The following SKAP2 variants were observed in gnomAD, a reference collection of about 807,000 sequenced individuals.
SKAP2 encodes the protein src kinase-associated phosphoprotein 2.
In SKAP2, 28 loss-of-function variants were observed where a neutral mutation model predicts 54.9. The ratio of observed to expected loss-of-function variants is 0.51; its 90% CI spans 0.38 to 0.70. The LOEUF is 0.70. Among genes scored for constraint, SKAP2 ranks in the 30% least tolerant of loss-of-function variants. The probability of loss-of-function intolerance (pLI) is 0.00; values close to 1 mark genes in which losing one functional copy is unlikely to be tolerated. For synonymous variants in SKAP2, 137 were observed against 134.3 expected (o/e 1.02, Z -0.14); for missense variants, 356 against 424.1 (o/e 0.84, Z 1.41).
intron 4 of SKAP2, among the ~76,000 whole-genome samples, chr7:26,837,312 T>C (rs1784735007): frequency 6.6e-6 from 1 of 152,140 alleles, no homozygotes; most frequent in Admixed American, 6.5e-5. Context: ...TCTGCACATG[T>C]ACCCCAGAAC....
intron 4 of SKAP2, among the ~76,000 whole-genome samples, chr7:26,754,070 T>G (rs1355549709): frequency 6.6e-6 from 1 of 152,046 alleles, no homozygotes; most frequent in African/African-American, 2.4e-5. Context: ...TTAGCATATT[T>G]TTAAAAAAGT....
chr7:26,674,492 C>A (rs1584323329), intron 11 of SKAP2, among the ~76,000 whole-genome samples: 1 of 152,128 alleles, frequency 6.6e-6, no homozygotes. Context: ...TTTATAAATG[C>A]ACAACAGGAA....
At chr7:26,796,860 A>T (rs796373650) in intron 4 of SKAP2, among the ~76,000 whole-genome samples, 10 of 152,266 alleles carry the variant, frequency 6.6e-5, no homozygotes, top group African/African-American at 2.4e-4. Flanking sequence ...TTATATGTGG[A>T]TTTTCAAAAG....
intron 4 of SKAP2, among the ~76,000 whole-genome samples, chr7:26,762,519 C>T (rs1030955696): frequency 2.6e-5 from 4 of 151,900 alleles, no homozygotes; most frequent in Non-Finnish European, 4.4e-5. Context: ...ATCCTAAAGA[C>T]GCTAATGCTT....
chr7:26,667,906 C>T lies in SKAP2; in HGVS notation c.*1760G>A, dbSNP rs1786138019. The T allele has an allele frequency of 2.0e-5, 3 of 152,190 alleles. No individual in the cohort carries two copies. The highest frequency in any genetic ancestry group is 7.2e-5 in the African/African-American group (3 of 41,450). The allele number at this position is 152,190 out of a possible 1,614,324, so 9.4% of individuals were successfully genotyped here. On this transcript the variant is annotated 3_prime_UTR_variant, in exon 13 of 13. Transcript: ENST00000345317. ...GTCCACTAAAGTCGTCTTTGGTTGT[C>T]TAACTTTTGCCAAGATAATTTCAGT...
At chr7:26,803,593 T>C (rs1021541497) in intron 4 of SKAP2, among the ~76,000 whole-genome samples, 5 of 152,156 alleles carry the variant, frequency 3.3e-5, no homozygotes, top group East Asian at 1.9e-4. Flanking sequence ...TGAGGTACCA[T>C]AGGATCCAGC....
intron 3 of SKAP2, among the ~76,000 whole-genome samples, chr7:26,853,681 T>G (rs1785096301): frequency 6.6e-6 from 1 of 152,134 alleles, no homozygotes; most frequent in African/African-American, 2.4e-5. Context: ...AAACAAAAAT[T>G]TACACTGTTT....
At chr7:26,750,719 C>T (rs1330702184) in intron 4 of SKAP2, among the ~76,000 whole-genome samples, 1 of 152,114 alleles carries the variant, frequency 6.6e-6, no homozygotes, top group African/African-American at 2.4e-5. Context: ...TTTAAAAACA[C>T]ATATACACAA....
rs868581003 is a variant in SKAP2, at chr7:26,709,795, A to G, written c.796+15633T>C. Among the ~76,000 whole-genome samples the G allele has an allele frequency of 2.0e-5, 3 of 152,190 alleles. 1 individual carries two copies. The South Asian group carries it at 6.2e-4, about 31-fold the overall frequency. On this transcript the variant is annotated intron_variant, in intron 9 of 12. Coordinates refer to ENST00000345317, the MANE Select transcript of SKAP2 (RefSeq NM_003930.5). ...CCTGGGAAATGTCTTGCTCGAGATG[A>G]CTAGCCTGCCATAGGGAACTGGTAA...
rs191934316 is a variant in SKAP2, at chr7:26,751,752, A to G, written c.308-11788T>C. On this transcript the variant is annotated intron_variant, in intron 4 of 12. Transcript: ENST00000345317. Reference sequence around the variant, plus strand: ...ATATGAAATTCATACATTCTTATCTATTATTATTGTTAATTTAGTAATATA... The same window carrying G: ...ATATGAAATTCATACATTCTTATCTGTTATTATTGTTAATTTAGTAATATA... Among the ~76,000 whole-genome samples the G allele has an allele frequency of 4.3e-3, 649 of 152,108 alleles. 2 individuals are homozygous for G. Among genetic ancestry groups the G allele is most frequent in the Non-Finnish European group, 6.5e-3 (445 of 67,994 alleles).
At chr7:26,838,265 A>G (rs1415402245) in intron 4 of SKAP2, among the ~76,000 whole-genome samples, 1 of 152,066 alleles carries the variant, frequency 6.6e-6, no homozygotes, top group Non-Finnish European at 1.5e-5. Context: ...AGCTCCTACT[A>G]TAAATCATGC....
At chr7:26,763,148 T>C (rs1010119547) in intron 4 of SKAP2, among the ~76,000 whole-genome samples, 26 of 152,174 alleles carry the variant, frequency 1.7e-4, no homozygotes, top group Non-Finnish European at 2.9e-4. Flanking sequence ...ATACCAAATA[T>C]TTACTTGCTT....
At chr7:26,717,067 T>C (rs934330136) in intron 9 of SKAP2, among the ~76,000 whole-genome samples, 2 of 152,044 alleles carry the variant, frequency 1.3e-5, no homozygotes, top group Non-Finnish European at 2.9e-5. Flanking sequence ...GGATTCAAAG[T>C]GATGTGTGTT....
At chr7:26,741,068 A>C (rs1238225889) in intron 4 of SKAP2, among the ~76,000 whole-genome samples, 2 of 152,212 alleles carry the variant, frequency 1.3e-5, no homozygotes, top group East Asian at 3.8e-4. Flanking sequence ...AATCAAAAGA[A>C]AGTTTGTATG....
chr7:26,834,295 A>T (rs1784661244), intron 4 of SKAP2, among the ~76,000 whole-genome samples: 1 of 152,206 alleles, frequency 6.6e-6, no homozygotes, highest in Non-Finnish European at 1.5e-5. Flanking sequence ...TAGAGAAGCA[A>T]GAGCAAACAA....
intron 3 of SKAP2, among the ~76,000 whole-genome samples, chr7:26,845,937 A>T (rs188579789): frequency 1.3e-5 from 2 of 152,286 alleles, no homozygotes; most frequent in South Asian, 4.1e-4. Flanking sequence ...ATCTCTAAAA[A>T]AAAATTTTTT....
chr7:26,742,174 G>C (rs967767818), intron 4 of SKAP2, among the ~76,000 whole-genome samples: 4 of 151,942 alleles, frequency 2.6e-5, no homozygotes, highest in African/African-American at 9.7e-5. Flanking sequence ...AACAAGTCCT[G>C]GTGAACCACT....
chr7:26,707,540 A>G lies in SKAP2; in HGVS notation c.797-17178T>C, dbSNP rs553607916. On this transcript the variant is annotated intron_variant, in intron 9 of 12. Coordinates refer to ENST00000345317, the MANE Select transcript of SKAP2 (RefSeq NM_003930.5). Reference sequence around the variant, plus strand: ...TAAGTCTTCACTGCAGTGTTAATTCATAACTTATGGCTTAGGAATTCAACC... The same window carrying G: ...TAAGTCTTCACTGCAGTGTTAATTCGTAACTTATGGCTTAGGAATTCAACC... Among the ~76,000 whole-genome samples, 8 of 152,296 alleles carry G rather than the reference A, an allele frequency of 5.3e-5. No individual in the cohort carries two copies. The South Asian group carries it at 6.2e-4, about 12-fold the overall frequency.
At chr7:26,683,974 AAAT>A (rs1786571813) in intron 11 of SKAP2, among the ~76,000 whole-genome samples, 1 of 152,196 alleles carries the variant, frequency 6.6e-6, no homozygotes, top group African/African-American at 2.4e-5. Flanking sequence ...AGACAGAGGG[AAAT>A]TTTTAAATCC....
Sources: gnomAD v4.1 joint callset for allele counts (sites outside exome capture counted in the v4.1 genomes callset) on GRCh38, gnomAD v4.1.1 for gene constraint, MANE v1.5 for transcripts, NCBI Gene and HGNC (gene_info 2026-07-23, HGNC 2026-07-21) for gene names.